LINGO2: variants seen among roughly 807,000 people sequenced by gnomAD.
LINGO2 encodes the protein leucine-rich repeat and immunoglobulin-like domain-containing nogo receptor-interacting protein 2.
LINGO2 carries 14 observed loss-of-function variants against 30.6 expected under a neutral mutation model. That is an observed-to-expected ratio of 0.46 (90% CI 0.30 to 0.72). The LOEUF (loss-of-function observed/expected upper bound fraction) is 0.72. LINGO2 is among the 30% of genes least tolerant of loss of function. The pLI is 0.07. For missense variants in LINGO2, 729 were observed against 751.7 expected, an observed-to-expected ratio of 0.97 and a Z score of 0.35; for synonymous variants, 317 against 288.5, an observed-to-expected ratio of 1.10 and a Z score of -1.00.
At chr9:28,590,393 T>C (rs568703952) in intron 1 of LINGO2, among the ~76,000 whole-genome samples, 183 of 152,162 alleles carry the variant, frequency 1.2e-3, no homozygotes, top group Admixed American at 6.2e-3. Flanking sequence ...AGAAAATTTT[T>C]GCAACCTATT....
intron 3 of LINGO2, among the ~76,000 whole-genome samples, chr9:28,347,911 G>A (rs1181027450): frequency 6.6e-6 from 1 of 152,038 alleles, no homozygotes; most frequent in Non-Finnish European, 1.5e-5. Flanking sequence ...TGTTGTTACT[G>A]CCTCTCTTGA....
intron 1 of LINGO2, among the ~76,000 whole-genome samples, chr9:28,476,496 C>T (rs904882245): frequency 1.3e-5 from 2 of 152,056 alleles, no homozygotes; most frequent in African/African-American, 2.4e-5. Context: ...AGGATGGTCT[C>T]GATCTCCTGA....
chr9:28,621,582 CA>C (rs1826396217), intron 1 of LINGO2, among the ~76,000 whole-genome samples: 2 of 151,762 alleles, frequency 1.3e-5, no homozygotes, highest in South Asian at 4.2e-4. Flanking sequence ...TATTTTATTC[CA>C]AATGTTCCTG....
chr9:29,147,567 C>T, the LINGO2 span, among the ~76,000 whole-genome samples: 1 of 152,074 alleles, frequency 6.6e-6, no homozygotes, highest in South Asian at 2.1e-4. Context: ...AATGCCTATA[C>T]ATTTTTCTAA....
intron 3 of LINGO2, among the ~76,000 whole-genome samples, chr9:28,349,721 A>G (rs1474726154): frequency 1.4e-5 from 2 of 146,974 alleles, no homozygotes; most frequent in East Asian, 4.1e-4. Context: ...GTTGAAATGA[A>G]GGAAAAAATG....
At chr9:29,036,295 T>A in the LINGO2 span, among the ~76,000 whole-genome samples, 3 of 152,088 alleles carry the variant, frequency 2.0e-5, no homozygotes. Context: ...GCTTTTGAGC[T>A]TTTAAGTCAA....
At chr9:28,885,374 C>CACACACACAT in the LINGO2 span, among the ~76,000 whole-genome samples, 37 of 143,688 alleles carry the variant, frequency 2.6e-4, no homozygotes, top group Non-Finnish European at 5.0e-4. Flanking sequence ...CACACACACA[C>CACACACACAT]ATATATATAT....
the LINGO2 span, among the ~76,000 whole-genome samples, chr9:29,033,488 T>C: frequency 2.6e-5 from 4 of 151,586 alleles, no homozygotes; most frequent in South Asian, 6.2e-4. Context: ...AGTTTAATAA[T>C]TGTAAACCTT....
chr9:28,917,145 C>G, the LINGO2 span, among the ~76,000 whole-genome samples: 1 of 152,156 alleles, frequency 6.6e-6, no homozygotes, highest in African/African-American at 2.4e-5. Context: ...CTGTGTGTAT[C>G]AGACCCTGAA....
the LINGO2 span, among the ~76,000 whole-genome samples, chr9:29,060,851 G>A: frequency 6.6e-6 from 1 of 151,712 alleles, no homozygotes; most frequent in African/African-American, 2.4e-5. Flanking sequence ...GAAGAACAGA[G>A]AGAAAAATGA....
chr9:28,509,632 G>A (rs1216162790), intron 1 of LINGO2, among the ~76,000 whole-genome samples: 1 of 152,162 alleles, frequency 6.6e-6, no homozygotes, highest in Non-Finnish European at 1.5e-5. Flanking sequence ...GTTAAACGAG[G>A]TCATAAGGGT....
chr9:28,475,371 T>C (rs1454188230), intron 2 of LINGO2, among the ~76,000 whole-genome samples: 9 of 152,134 alleles, frequency 5.9e-5, no homozygotes, highest in South Asian at 2.1e-4. Flanking sequence ...GTGGATACAA[T>C]TGCACACAAA....
At chr9:29,044,275 G>T in the LINGO2 span, among the ~76,000 whole-genome samples, 1 of 151,936 alleles carries the variant, frequency 6.6e-6, no homozygotes, top group South Asian at 2.1e-4. Context: ...GAAGTTGGAA[G>T]GGTAGGCATA....
chr9:28,773,954 A>AT, the LINGO2 span, among the ~76,000 whole-genome samples: 1 of 151,990 alleles, frequency 6.6e-6, no homozygotes, highest in African/African-American at 2.4e-5. Flanking sequence ...AGGAATTGGT[A>AT]TTTTTGTAAA....
At chr9:29,194,097 T>C in the LINGO2 span, among the ~76,000 whole-genome samples, 2 of 152,142 alleles carry the variant, frequency 1.3e-5, no homozygotes, top group Admixed American at 6.5e-5. Flanking sequence ...CTCTGTAAAA[T>C]GGGTTGATCC....
chr9:28,158,279 C>A (rs148431855), intron 4 of LINGO2, among the ~76,000 whole-genome samples: 1 of 152,052 alleles, frequency 6.6e-6, no homozygotes, highest in Non-Finnish European at 1.5e-5. Flanking sequence ...GAGAACAGCA[C>A]GGGAAAGGCT....
intron 4 of LINGO2, among the ~76,000 whole-genome samples, chr9:28,162,708 A>T (rs1047682057): frequency 6.6e-6 from 1 of 152,128 alleles, no homozygotes; most frequent in Non-Finnish European, 1.5e-5. Context: ...ACTACTTCCT[A>T]TTCTGGGAGA....
chr9:28,552,669 G>C (rs561829350), intron 1 of LINGO2, among the ~76,000 whole-genome samples: 1 of 148,530 alleles, frequency 6.7e-6, no homozygotes, highest in Admixed American at 6.7e-5. Flanking sequence ...GAATTCCTAT[G>C]CTATATTTTC....
the LINGO2 span, among the ~76,000 whole-genome samples, chr9:29,084,135 T>C: frequency 0.037 from 5,638 of 152,228 alleles, 135 homozygotes; most frequent in Non-Finnish European, 0.055. Flanking sequence ...ATAAAAATTT[T>C]AGACAATTCA....
Sources: allele counts gnomAD v4.1 joint callset (sites outside exome capture counted in the v4.1 genomes callset), GRCh38; gene constraint gnomAD v4.1.1; transcripts MANE v1.5; gene names NCBI Gene and HGNC (gene_info 2026-07-23, HGNC 2026-07-21).